CAMTA1: variants seen among roughly 807,000 people sequenced by gnomAD.
The protein encoded by CAMTA1 is calmodulin binding transcription activator 1.
CAMTA1 carries 27 observed loss-of-function variants against 170.9 expected under a neutral mutation model. The ratio of observed to expected loss-of-function variants is 0.16; its 90% CI spans 0.12 to 0.22. The LOEUF (loss-of-function observed/expected upper bound fraction) is 0.22. Among genes scored for constraint, CAMTA1 ranks in the 10% least tolerant of loss-of-function variants. The probability of loss-of-function intolerance (pLI) is 1.00; values close to 1 mark genes in which losing one functional copy is unlikely to be tolerated. For missense variants in CAMTA1, 1,619 were observed against 2,217.2 expected (o/e 0.73, Z 5.42); for synonymous variants, 833 against 891.5 (o/e 0.93, Z 1.17).
In CAMTA1 at chr1:7,641,481, G is replaced by A. The variant is rs575263030; in HGVS notation, c.664+928G>A. ...GGGGGGACTGAAATATTCTTTCTGC[G>A]GCTGGGAGGAAAGGTGAAGGTCCTG... On this transcript the variant is annotated intron_variant, in intron 7 of 22. Transcript: ENST00000303635. The surrounding 1 kb of genome is among the most constrained non-coding windows in gnomAD (Gnocchi z 4.5). 2.0e-5 allele frequency among the ~76,000 whole-genome samples: 3 copies of A among 152,268 alleles called. No individual in the cohort carries two copies. Among genetic ancestry groups the A allele is most frequent in the Admixed American group, 6.5e-5 (1 of 15,300 alleles).
intron 3 of CAMTA1, among the ~76,000 whole-genome samples, chr1:7,032,046 A>C (rs1175355950): frequency 4.0e-5 from 6 of 151,848 alleles, no homozygotes. Flanking sequence ...GCTCACTGCA[A>C]CCTGTATCTC....
chr1:7,704,813 C>A (rs920065597), intron 11 of CAMTA1, among the ~76,000 whole-genome samples: 1 of 144,834 alleles, frequency 6.9e-6, no homozygotes, highest in African/African-American at 2.5e-5. Context: ...CCGGGCCGGG[C>A]GGGGCCGGGC....
chr1:7,238,149 CTTCT>C (rs202025348), intron 4 of CAMTA1, among the ~76,000 whole-genome samples: 3 of 134,944 alleles, frequency 2.2e-5, no homozygotes, highest in East Asian at 4.5e-4. Context: ...TATGGTCAGT[CTTCT>C]TTCTTTTTTT....
rs1433053879 is a variant in CAMTA1, at chr1:7,670,964, C to T, written c.2706C>T (p.Tyr902=). 6.2e-7 allele frequency: 1 copy of T among 1,613,758 alleles called. No homozygotes were observed. The change falls in exon 10 of 23, where the codon TAC becomes TAT. Residue 902 remains tyrosine, a synonymous_variant. Coordinates refer to ENST00000303635, the MANE Select transcript of CAMTA1 (RefSeq NM_015215.4). ...TGPWQEASNN[Y]SCLFDQISVP... ...CGTGGCAAGAAGCCAGCAATAACTA[C>T]AGCTGCCTGTTTGACCAGATCTCAG...
chr1:7,490,304 G>A (rs1397186472), intron 6 of CAMTA1, among the ~76,000 whole-genome samples: 1 of 152,282 alleles, frequency 6.6e-6, no homozygotes, highest in Non-Finnish European at 1.5e-5. Flanking sequence ...CGCGGGCATC[G>A]ATTGCCCAGA....
At chr1:6,935,056 C>T (rs1238974871) in intron 3 of CAMTA1, among the ~76,000 whole-genome samples, 1 of 152,180 alleles carries the variant, frequency 6.6e-6, no homozygotes, top group African/African-American at 2.4e-5. Flanking sequence ...GTCAATCATA[C>T]ATTAAATTTG....
At position 6,786,011 on chromosome 1, in the gene CAMTA1, C is replaced by T. The variant is rs563705587; in HGVS notation, c.45+436C>T. On this transcript the variant is annotated intron_variant, in intron 1 of 22. Transcript: ENST00000303635. ...GCGGAAAGTTTATCCGCCTCGGGTC[C>T]TCCTGGCCCCGCGCCCCACTGCTCC... 2.4e-3 allele frequency among the ~76,000 whole-genome samples: 365 copies of T among 151,638 alleles called. 1 individual carries two copies. Among genetic ancestry groups the T allele is most frequent in the African/African-American group, 7.8e-3 (325 of 41,442 alleles).
chr1:7,558,870 T>C (rs1461569098), intron 6 of CAMTA1, among the ~76,000 whole-genome samples: 1 of 152,270 alleles, frequency 6.6e-6, no homozygotes, highest in Admixed American at 6.5e-5. Flanking sequence ...GATATCTTAA[T>C]TTAATTGGAT....
chr1:7,249,497 G>A lies in CAMTA1; in HGVS notation c.309G>A (p.Gln103=). The A allele has an allele frequency of 1.2e-6, 2 of 1,613,450 alleles. No individual in the cohort carries two copies. Among genetic ancestry groups the A allele is most frequent in the South Asian group, 1.1e-5 (1 of 90,872 alleles). The change falls in exon 5 of 23, where the codon CAG becomes CAA. Residue 103 remains glutamine (Q), a synonymous_variant. Transcript: ENST00000303635. The surrounding 1 kb of genome is among the most constrained non-coding windows in gnomAD (Gnocchi z 4.4). The part of the protein sequence containing the change: ...WLTTSPKTRP[Q]NGSMILYNRK... ...AACCATTTGTTGTTTCCAGACCACA[G>A]AATGGCTCAATGATACTCTACAACA...
chr1:7,530,905 C>G (rs1479108339), intron 6 of CAMTA1, among the ~76,000 whole-genome samples: 3 of 149,854 alleles, frequency 2.0e-5, no homozygotes, highest in African/African-American at 7.4e-5. Flanking sequence ...ACCTCTGCCT[C>G]CCGGGTTCAA....
In CAMTA1 at chr1:7,635,916, T is replaced by A. The variant is rs1360785496; in HGVS notation, c.511-4484T>A. Among the ~76,000 whole-genome samples, 1 of 152,056 alleles carries A rather than the reference T, an allele frequency of 6.6e-6. No homozygotes were observed. Among genetic ancestry groups the A allele is most frequent in the Non-Finnish European group, 1.5e-5 (1 of 68,008 alleles). On this transcript the variant is annotated intron_variant, in intron 6 of 22. Coordinates refer to ENST00000303635, the MANE Select transcript of CAMTA1 (RefSeq NM_015215.4). This position sits in a 1 kb window ranked among gnomAD's most constrained non-coding sequence, Gnocchi z 4.4. ...GTGTGCCCCAAATTTCCAAAATACC[T>A]CCATCAGCCCATGTCTGAAAACCAG...
In CAMTA1 at chr1:7,495,037, T is replaced by C. The variant is rs565572090; in HGVS notation, c.510+27136T>C. Among the ~76,000 whole-genome samples, 7 of 152,184 alleles carry C rather than the reference T, an allele frequency of 4.6e-5. No individual in the cohort carries two copies. In the South Asian group the frequency reaches 1.5e-3, roughly 32 times the overall value. On this transcript the variant is annotated intron_variant, in intron 6 of 22. Transcript: ENST00000303635. ...CTTGTCCTGAGAAAAGGATCCTAGG[T>C]CTCTGTTGGGCTCCATGCAGTTGCC... is the stretch of plus-strand genomic sequence containing the variant.
At chr1:6,908,133 A>T (rs1255542662) in intron 3 of CAMTA1, among the ~76,000 whole-genome samples, 1 of 152,004 alleles carries the variant, frequency 6.6e-6, no homozygotes, top group East Asian at 1.9e-4. Flanking sequence ...TTTGCTCGTC[A>T]CCCTTTATGA....
Position 7,685,017 on chromosome 1 carries a change from GC to G in CAMTA1, c.2914+7285del, listed in dbSNP as rs2096246326. On this transcript the variant is annotated intron_variant, in intron 11 of 22. Coordinates refer to ENST00000303635, the MANE Select transcript of CAMTA1 (RefSeq NM_015215.4). The surrounding 1 kb of genome is among the most constrained non-coding windows in gnomAD (Gnocchi z 5.7). ...CTCCGCGGTGTCGGGGAGTTCACAG[GC>G]ACCGTCCCGCGGTCACAGGTGGCAT... Among the ~76,000 whole-genome samples, 1 of 152,112 alleles carries G rather than the reference GC, an allele frequency of 6.6e-6. No homozygotes were observed. The highest frequency in any genetic ancestry group is 1.5e-5 in the Non-Finnish European group (1 of 68,024).
intron 4 of CAMTA1, among the ~76,000 whole-genome samples, chr1:7,207,484 G>A (rs534947657): frequency 1.3e-5 from 2 of 152,306 alleles, no homozygotes; most frequent in Middle Eastern, 3.4e-3. Context: ...TGATAAAAAT[G>A]TATATACCAC....
intron 6 of CAMTA1, among the ~76,000 whole-genome samples, chr1:7,526,531 C>T (rs752931388): frequency 3.3e-5 from 5 of 152,190 alleles, no homozygotes; most frequent in African/African-American, 4.8e-5. Flanking sequence ...CTGGCCTCGT[C>T]GGGGTTCAGA....
intron 3 of CAMTA1, among the ~76,000 whole-genome samples, chr1:7,089,258 G>A (rs189553649): frequency 2.6e-5 from 4 of 152,296 alleles, no homozygotes. Context: ...GACAGATTAG[G>A]TAATGTGCTC....
intron 3 of CAMTA1, among the ~76,000 whole-genome samples, chr1:6,895,926 T>A (rs1309167506): frequency 6.6e-6 from 1 of 152,166 alleles, no homozygotes; most frequent in Non-Finnish European, 1.5e-5. Flanking sequence ...TCCTATTAGC[T>A]CTTTTAGGGC....
At chr1:7,480,018 ACT>A (rs1274299577) in intron 6 of CAMTA1, among the ~76,000 whole-genome samples, 18 of 149,904 alleles carry the variant, frequency 1.2e-4, no homozygotes, top group African/African-American at 3.9e-4. Context: ...CTTGTGTATG[ACT>A]CTGAGTGCAT....
Sources: gnomAD v4.1 joint callset for allele counts (sites outside exome capture counted in the v4.1 genomes callset) on GRCh38, gnomAD v4.1.1 for gene constraint, Gnocchi (gnomAD v3.1) non-coding constraint, MANE v1.5 for transcripts, NCBI Gene and HGNC (gene_info 2026-07-23, HGNC 2026-07-21) for gene names.